GALNT17: variants seen among roughly 807,000 people sequenced by gnomAD.
GALNT17 encodes polypeptide N-acetylgalactosaminyltransferase 17.
In GALNT17, 29 loss-of-function variants were observed where a neutral mutation model predicts 63.7. The observed-to-expected ratio is 0.46, with a 90% CI of 0.34 to 0.62. The LOEUF (loss-of-function observed/expected upper bound fraction) is 0.62, where lower values mean the gene tolerates loss of function less well. Among genes scored for constraint, GALNT17 ranks in the 20% least tolerant of loss-of-function variants. The pLI, the probability that GALNT17 is intolerant of heterozygous loss-of-function variation, is 0.01. For synonymous variants in GALNT17, 305 were observed against 318.3 expected (o/e 0.96, Z 0.45); for missense variants, 603 against 799.6 (o/e 0.75, Z 2.97).
intron 1 of GALNT17, among the ~76,000 whole-genome samples, chr7:71,240,866 G>A (rs959821434): frequency 7.2e-5 from 11 of 151,852 alleles, no homozygotes; most frequent in African/African-American, 9.7e-5. Flanking sequence ...GAGTTTCACC[G>A]TGTTAGCCAG....
At chr7:71,341,372 C>A (rs1324781202) in intron 2 of GALNT17, among the ~76,000 whole-genome samples, 1 of 152,104 alleles carries the variant, frequency 6.6e-6, no homozygotes, top group Non-Finnish European at 1.5e-5. Context: ...AGAAGAAAGT[C>A]ATCAAACAAA....
intron 1 of GALNT17, among the ~76,000 whole-genome samples, chr7:71,169,909 A>G (rs1788513683): frequency 6.6e-6 from 1 of 151,928 alleles, no homozygotes; most frequent in African/African-American, 2.4e-5. Context: ...TGTGAGTGCA[A>G]GTTGTGTCCT....
intron 1 of GALNT17, among the ~76,000 whole-genome samples, chr7:71,298,152 C>T (rs1791117412): frequency 6.6e-6 from 1 of 152,184 alleles, no homozygotes; most frequent in African/African-American, 2.4e-5. Context: ...TCCTGAGTAG[C>T]TGGGATTACA....
chr7:71,214,407 T>C (rs1262899664), intron 1 of GALNT17, among the ~76,000 whole-genome samples: 1 of 152,198 alleles, frequency 6.6e-6, no homozygotes, highest in East Asian at 1.9e-4. Flanking sequence ...TGACCTAGTA[T>C]CTCTTTTTCC....
chr7:71,652,917 T>C (rs1275096977), intron 6 of GALNT17, among the ~76,000 whole-genome samples: 1 of 152,224 alleles, frequency 6.6e-6, no homozygotes, highest in Non-Finnish European at 1.5e-5. Flanking sequence ...GAGGCAGTTA[T>C]TGCAGGGCGC....
At chr7:71,300,531 A>G in intron 1 of GALNT17, 1 of 409,268 alleles carries the variant, frequency 2.4e-6, no homozygotes, top group Non-Finnish European at 4.9e-6. Flanking sequence ...CTAATAAGTG[A>G]GAAACAGCTG....
intron 1 of GALNT17, among the ~76,000 whole-genome samples, chr7:71,295,940 G>A (rs1432376513): frequency 1.3e-5 from 2 of 150,084 alleles, no homozygotes; most frequent in Non-Finnish European, 3.0e-5. Flanking sequence ...TTCCCAGCCT[G>A]TCATCTGATT....
chr7:71,653,573 T>C (rs1179926885), intron 6 of GALNT17, among the ~76,000 whole-genome samples: 1 of 139,160 alleles, frequency 7.2e-6, no homozygotes, highest in African/African-American at 2.5e-5. Context: ...ACCTGGCTAA[T>C]TTTTTGTATT....
intron 1 of GALNT17, among the ~76,000 whole-genome samples, chr7:71,315,114 A>T (rs1299247801): frequency 1.3e-5 from 2 of 152,212 alleles, no homozygotes; most frequent in Non-Finnish European, 1.5e-5. Context: ...ATATATATGG[A>T]AGCATACATC....
chr7:71,425,395 T>C (rs1786741349), intron 5 of GALNT17, among the ~76,000 whole-genome samples: 1 of 152,108 alleles, frequency 6.6e-6, no homozygotes, highest in South Asian at 2.1e-4. Context: ...GCTAATTTTT[T>C]GTATTTTTAG....
intron 9 of GALNT17, among the ~76,000 whole-genome samples, chr7:71,681,655 A>AAGAGC (rs776989470): frequency 2.0e-5 from 3 of 152,194 alleles, no homozygotes; most frequent in Non-Finnish European, 2.9e-5. Flanking sequence ...TAGCTGTGAA[A>AAGAGC]AGAGCACTTA....
At chr7:71,528,753 C>T (rs1418448029) in intron 5 of GALNT17, among the ~76,000 whole-genome samples, 1 of 152,132 alleles carries the variant, frequency 6.6e-6, no homozygotes, top group Admixed American at 6.5e-5. Context: ...AACCAAAAAC[C>T]ACCTGTTTCT....
intron 1 of GALNT17, among the ~76,000 whole-genome samples, chr7:71,318,396 C>G (rs75741367): frequency 0.026 from 3,950 of 150,248 alleles, 188 homozygotes; most frequent in African/African-American, 0.092. Flanking sequence ...CTTCCTACGA[C>G]CATTCCCTGA....
chr7:71,444,172 C>T (rs945796955), intron 5 of GALNT17, among the ~76,000 whole-genome samples: 1 of 152,228 alleles, frequency 6.6e-6, no homozygotes, highest in Non-Finnish European at 1.5e-5. Flanking sequence ...TCTGACCTCT[C>T]AGCTTCCTCA....
At chr7:71,508,843 A>G (rs572404038) in intron 5 of GALNT17, among the ~76,000 whole-genome samples, 12 of 152,124 alleles carry the variant, frequency 7.9e-5, no homozygotes, top group African/African-American at 1.2e-4. Context: ...GTTTGCTTAG[A>G]GTCTTTTGCC....
At chr7:71,596,633 CTG>C (rs952841570) in intron 6 of GALNT17, among the ~76,000 whole-genome samples, 1 of 152,028 alleles carries the variant, frequency 6.6e-6, no homozygotes, top group African/African-American at 2.4e-5. Flanking sequence ...CCTGCTTCCT[CTG>C]TGCAATGGAA....
chr7:71,222,382 T>A (rs1342150160), intron 1 of GALNT17, among the ~76,000 whole-genome samples: 1 of 152,020 alleles, frequency 6.6e-6, no homozygotes, highest in African/African-American at 2.4e-5. Flanking sequence ...AACCTCTGCC[T>A]CCCAGGCTCA....
chr7:71,631,296 G>A (rs747294073), intron 6 of GALNT17, among the ~76,000 whole-genome samples: 4 of 151,554 alleles, frequency 2.6e-5, no homozygotes, highest in Admixed American at 2.0e-4. Flanking sequence ...GGGCTCAAGC[G>A]ATCCTCCCAT....
chr7:71,207,146 A>C (rs1789287686), intron 1 of GALNT17, among the ~76,000 whole-genome samples: 2 of 151,812 alleles, frequency 1.3e-5, no homozygotes, highest in African/African-American at 2.4e-5. Context: ...AGAATCAACC[A>C]GCCTCACTTT....
Sources: gnomAD v4.1 joint callset for allele counts (sites outside exome capture counted in the v4.1 genomes callset) on GRCh38, gnomAD v4.1.1 for gene constraint, MANE v1.5 for transcripts, NCBI Gene and HGNC (gene_info 2026-07-23, HGNC 2026-07-21) for gene names.